SORCS2: variants seen among roughly 807,000 people sequenced by gnomAD.
The protein encoded by SORCS2 is VPS10 domain-containing receptor SorCS2.
In SORCS2, 100 loss-of-function variants were observed where a neutral mutation model predicts 141.6. The ratio of observed to expected loss-of-function variants is 0.71; its 90% CI spans 0.60 to 0.83. SORCS2 has a LOEUF of 0.83. Ranked by LOEUF, SORCS2 falls within the 40% of genes least tolerant of loss-of-function variation. The probability of loss-of-function intolerance (pLI) is 0.00; values close to 1 mark genes in which losing one functional copy is unlikely to be tolerated. For missense variants in SORCS2, 1,646 were observed against 1,560.2 expected (o/e 1.05, Z -0.93); for synonymous variants, 789 against 676.9 (o/e 1.17, Z -2.57).
At chr4:7,377,166 T>A (rs1464397014) in intron 1 of SORCS2, among the ~76,000 whole-genome samples, 1 of 152,240 alleles carries the variant, frequency 6.6e-6, no homozygotes, top group Non-Finnish European at 1.5e-5. Flanking sequence ...ATAACATTGT[T>A]TGTCTTTTTT....
chr4:7,642,063 T>A (rs1277379908), intron 4 of SORCS2, among the ~76,000 whole-genome samples: 1 of 152,098 alleles, frequency 6.6e-6, no homozygotes, highest in Non-Finnish European at 1.5e-5. Flanking sequence ...TGGGGATGGT[T>A]GGTTAGATGA....
chr4:7,379,229 A>T lies in SORCS2; in HGVS notation c.481-17059A>T, dbSNP rs77694347. On this transcript the variant is annotated intron_variant, in intron 1 of 26. Coordinates refer to ENST00000507866, the MANE Select transcript of SORCS2 (RefSeq NM_020777.3). ...CTTTCAGAAATCGCACCTGTGCTGC[A>T]GTTGACTCCCCAGGGTGCAGCAGGT... 9.2e-5 allele frequency among the ~76,000 whole-genome samples: 14 copies of T among 152,254 alleles called. No individual in the cohort carries two copies. In the East Asian group the frequency reaches 2.7e-3, roughly 29 times the overall value.
intron 1 of SORCS2, among the ~76,000 whole-genome samples, chr4:7,292,252 G>A (rs939843708): frequency 7.8e-5 from 11 of 141,720 alleles, no homozygotes; most frequent in South Asian, 2.4e-4. Context: ...AGGCTCCCCC[G>A]CATTCACGGT....
At chr4:7,501,630 A>G (rs1731981424) in intron 2 of SORCS2, among the ~76,000 whole-genome samples, 1 of 152,172 alleles carries the variant, frequency 6.6e-6, no homozygotes, top group Admixed American at 6.5e-5. Flanking sequence ...TCCTGTGTAC[A>G]AGGCAGGACG....
intron 1 of SORCS2, among the ~76,000 whole-genome samples, chr4:7,211,256 G>C (rs1411211142): frequency 6.6e-6 from 1 of 151,838 alleles, no homozygotes; most frequent in African/African-American, 2.4e-5. Flanking sequence ...GCATTGCCAG[G>C]GCGCAGACCA....
chr4:7,550,152 G>A (rs1268448084), intron 3 of SORCS2, among the ~76,000 whole-genome samples: 4 of 150,428 alleles, frequency 2.7e-5, no homozygotes. Context: ...GTGTGTGTGT[G>A]TGTGTGTGTA....
rs112924785 is a variant in SORCS2, at chr4:7,279,469, C to T, written c.480+86343C>T. Among the ~76,000 whole-genome samples, 298 of 152,296 alleles carry T rather than the reference C, an allele frequency of 2.0e-3. 8 individuals are homozygous for T. The South Asian group carries it at 0.035, about 18-fold the overall frequency. ...CCACTGGGCTGGTCTCATGCTGTTA[C>T]AATAAATGCGGTGGTCAGTTCCATT... On this transcript the variant is annotated intron_variant, in intron 1 of 26. Transcript: ENST00000507866.
Position 7,726,791 on chromosome 4 carries a change from C to T in SORCS2, c.2757C>T (p.Ser919=). The T allele has an allele frequency of 6.2e-7, 1 of 1,613,590 alleles. No homozygotes were observed. The highest frequency in any genetic ancestry group is 8.5e-7 in the Non-Finnish European group (1 of 1,179,776). Residue 919 remains serine (S), a synonymous_variant, in exon 21 of 27, where the codon TCC becomes TCT. Transcript: ENST00000507866. ...WIGHSLQPLL[S]LDNSVTTRFS... is the part of the protein sequence containing the mutation. ...CTGTGCCCCTGCAGCCCCTCCTTTC[C>T]CTGGATAATTCTGTGACAACGCGGT...
chr4:7,340,982 C>T (rs908113254), intron 1 of SORCS2, among the ~76,000 whole-genome samples: 3 of 152,220 alleles, frequency 2.0e-5, no homozygotes, highest in South Asian at 2.1e-4. Context: ...ATGGCCAGAG[C>T]AGCTGGAACA....
chr4:7,334,440 C>T (rs1719861486), intron 1 of SORCS2, among the ~76,000 whole-genome samples: 1 of 152,164 alleles, frequency 6.6e-6, no homozygotes, highest in Non-Finnish European at 1.5e-5. Flanking sequence ...CCCATTCCTC[C>T]CGTTCCTTGT....
intron 1 of SORCS2, among the ~76,000 whole-genome samples, chr4:7,316,255 CATCCAT>C (rs1480609703): frequency 2.0e-5 from 3 of 152,168 alleles, no homozygotes; most frequent in Non-Finnish European, 4.4e-5. Context: ...TCCATCCATG[CATCCAT>C]TCGTGCATCC....
intron 3 of SORCS2, among the ~76,000 whole-genome samples, chr4:7,555,043 G>T (rs1160810133): frequency 6.6e-6 from 1 of 152,198 alleles, no homozygotes; most frequent in African/African-American, 2.4e-5. Flanking sequence ...AACTCCTGAG[G>T]ATGGGAGCAG....
At chr4:7,676,803 G>C (rs57770821) in intron 9 of SORCS2, among the ~76,000 whole-genome samples, 22,001 of 36,656 alleles carry the variant, frequency 0.6, 6,961 homozygotes, top group East Asian at 0.68. Context: ...CTGCCTTTCT[G>C]TCTCTCTCTC....
intron 2 of SORCS2, among the ~76,000 whole-genome samples, chr4:7,485,639 C>CT (rs1730932135): frequency 6.6e-6 from 1 of 152,246 alleles, no homozygotes; most frequent in Non-Finnish European, 1.5e-5. Flanking sequence ...GGTCGGGTGG[C>CT]TTCAGGTTGT....
At chr4:7,541,459 T>A (rs1396313602) in intron 3 of SORCS2, among the ~76,000 whole-genome samples, 1 of 152,220 alleles carries the variant, frequency 6.6e-6, no homozygotes, top group African/African-American at 2.4e-5. Flanking sequence ...GATGATGGTC[T>A]CTGGGCAAGA....
chr4:7,247,254 G>T (rs756989825), intron 1 of SORCS2, among the ~76,000 whole-genome samples: 10 of 152,068 alleles, frequency 6.6e-5, no homozygotes, highest in Non-Finnish European at 1.5e-4. Flanking sequence ...TTTCATTGCA[G>T]CCCAATGTGA....
At chr4:7,453,723 T>C (rs1728659008) in intron 2 of SORCS2, among the ~76,000 whole-genome samples, 1 of 134,572 alleles carries the variant, frequency 7.4e-6, no homozygotes, top group Non-Finnish European at 1.6e-5. Flanking sequence ...AGGCACTGTG[T>C]TGGGGTCAGG....
At position 7,689,766 on chromosome 4, in the gene SORCS2, A is replaced by C. The variant is rs528544564; in HGVS notation, c.1591+178A>C. On this transcript the variant is annotated intron_variant, in intron 11 of 26. Transcript: ENST00000507866. ...ATGGCAAATTCCGAGAAATGAATGCATGGCCCAGGGTGGGCATATGGTATG... is the reference window on the plus strand; with the variant it reads ...ATGGCAAATTCCGAGAAATGAATGCCTGGCCCAGGGTGGGCATATGGTATG... 2.6e-5 allele frequency among the ~76,000 whole-genome samples: 4 copies of C among 152,420 alleles called. No individual in the cohort carries two copies. In the East Asian group the frequency reaches 7.7e-4, roughly 29 times the overall value.
chr4:7,196,396 G>C (rs761960742), intron 1 of SORCS2, among the ~76,000 whole-genome samples: 1 of 152,158 alleles, frequency 6.6e-6, no homozygotes, highest in East Asian at 1.9e-4. Context: ...TGGGGAATGT[G>C]CTGTGCCCCG....
Sources: allele counts gnomAD v4.1 joint callset (sites outside exome capture counted in the v4.1 genomes callset), GRCh38; gene constraint gnomAD v4.1.1; transcripts MANE v1.5; gene names NCBI Gene and HGNC (gene_info 2026-07-23, HGNC 2026-07-21).